The following SMIM17 variants were observed in gnomAD, a reference collection of about 807,000 sequenced individuals.
The protein encoded by SMIM17 is small integral membrane protein 17.
In SMIM17, 10 loss-of-function variants were observed where a neutral mutation model predicts 12.2. That is an observed-to-expected ratio of 0.82 (90% CI 0.50 to 1.39). The LOEUF is 1.39. Ranked by LOEUF, SMIM17 falls within the 40% of genes most tolerant of loss-of-function variation. SMIM17 has a pLI of 0.00. For missense variants in SMIM17, 136 were observed against 118.2 expected, an observed-to-expected ratio of 1.15 and a Z score of -0.70; for synonymous variants, 50 against 44.1, an observed-to-expected ratio of 1.13 and a Z score of -0.53.
In SMIM17 at chr19:56,645,652, A is replaced by C. The variant is rs1600615545; in HGVS notation, c.-16A>C. 1 of 1,463,936 alleles carries C rather than the reference A, an allele frequency of 6.8e-7. No homozygotes were observed. Among genetic ancestry groups the C allele is most frequent in the Non-Finnish European group, 9.0e-7 (1 of 1,112,832 alleles). 90.7% of individuals were successfully genotyped at this position (1,463,936 alleles called of 1,614,324 possible). A position where few individuals can be genotyped will look rare whatever the true frequency, so the allele number is the denominator to read the frequency against. Reference sequence around the variant, plus strand: ...AAGAGAAGCTTGTCTCAGAAGCTCCACCTCCTCCTGGGGCAATGCAGAGTC... The same window carrying C: ...AAGAGAAGCTTGTCTCAGAAGCTCCCCCTCCTCCTGGGGCAATGCAGAGTC... On this transcript the variant is annotated 5_prime_UTR_variant, in exon 2 of 4. Transcript: ENST00000598409.
chr19:56,645,904 G>A (rs751280622), intron 2 of SMIM17, 68 bp downstream of exon 2: 15 of 1,431,494 alleles, frequency 1.0e-5, no homozygotes, highest in African/African-American at 2.9e-5. Flanking sequence ...CCTAGGGAAA[G>A]ACTAAACATT....
intron 3 of SMIM17, among the ~76,000 whole-genome samples, chr19:56,648,063 AT>A (rs2045078743): frequency 1.0e-5 from 1 of 96,822 alleles, no homozygotes; most frequent in Non-Finnish European, 2.2e-5. Flanking sequence ...CCATCCATCC[AT>A]CCATCCATCC....
chr19:56,646,693 G>A lies in SMIM17; in HGVS notation c.169+857G>A, dbSNP rs1413563353. Among the ~76,000 whole-genome samples the A allele has an allele frequency of 2.0e-5, 3 of 152,200 alleles. No homozygotes were observed. In the East Asian group the frequency reaches 5.8e-4, roughly 29 times the overall value. On this transcript the variant is annotated intron_variant, in intron 2 of 3. Coordinates refer to ENST00000598409, the MANE Select transcript of SMIM17 (RefSeq NM_001193628.2). ...ATTCCTGCAACTGTCCAAGACAGAG[G>A]TGAGGTAAGTGGAGAGATTTGGGAC...
At chr19:56,652,546 G>A (rs779040345) in intron 3 of SMIM17, among the ~76,000 whole-genome samples, 10 of 151,948 alleles carry the variant, frequency 6.6e-5, no homozygotes, top group Non-Finnish European at 1.0e-4. Flanking sequence ...CCAGCTACTC[G>A]GGAGGCTGAG....
intron 3 of SMIM17, among the ~76,000 whole-genome samples, chr19:56,652,285 C>T (rs569079837): frequency 6.6e-6 from 1 of 152,108 alleles, no homozygotes; most frequent in South Asian, 2.1e-4. Flanking sequence ...GAGAGGGAGC[C>T]AGGCAAATAT....
intron 3 of SMIM17, among the ~76,000 whole-genome samples, chr19:56,651,498 G>T (rs1471930751): frequency 6.6e-6 from 1 of 152,114 alleles, no homozygotes; most frequent in African/African-American, 2.4e-5. Context: ...GGGGAAAATG[G>T]TCCCATCATT....
chr19:56,647,463 T>A, intron 2 of SMIM17, 95 bp from the exon 3 acceptor site: 3 of 808,972 alleles, frequency 3.7e-6, no homozygotes, highest in Non-Finnish European at 5.7e-6. Flanking sequence ...AGGCTATTAC[T>A]AGAAAAGGGA....
At position 56,655,902 on chromosome 19, in the gene SMIM17, TA is replaced by T. The variant is rs2148046436; in HGVS notation, c.*690del. 1 of 152,178 alleles carries T rather than the reference TA, an allele frequency of 6.6e-6. No individual in the cohort carries two copies. The highest frequency in any genetic ancestry group is 6.6e-5 in the Admixed American group (1 of 15,264). The allele number at this position is 152,178 out of a possible 1,614,324, so 9.4% of individuals were successfully genotyped here. On this transcript the variant is annotated 3_prime_UTR_variant, in exon 4 of 4. Coordinates refer to ENST00000598409, the MANE Select transcript of SMIM17 (RefSeq NM_001193628.2). ...TTAGTTCTTTACAATGTTATCAGTT[TA>T]TTAATACTTTTTACCTCTTGCATTT... is the stretch of plus-strand genomic sequence containing the variant.
rs1292897369 is a variant in SMIM17 at position 56,644,704 on chromosome 19, G to T, written c.-100-864G>T. Among the ~76,000 whole-genome samples, 8 of 152,212 alleles carry T rather than the reference G, an allele frequency of 5.3e-5. No homozygotes were observed. The South Asian group carries it at 1.7e-3, about 31-fold the overall frequency. ...TTGTTCATGTGCTCCTTACAATAGA[G>T]AAGTATTTCTCTGGACCTATATTTA... On this transcript the variant is annotated intron_variant, in intron 1 of 3. Coordinates refer to ENST00000598409, the MANE Select transcript of SMIM17 (RefSeq NM_001193628.2).
chr19:56,651,841 C>T (rs927359498), intron 3 of SMIM17, among the ~76,000 whole-genome samples: 3 of 152,144 alleles, frequency 2.0e-5, no homozygotes, highest in Admixed American at 1.3e-4. Flanking sequence ...CAGTGGCTCA[C>T]GTCTATAATC....
Position 56,655,159 on chromosome 19 carries a change from C to A in SMIM17, c.303C>A (p.Cys101Ter), listed in dbSNP as rs367904860. 9.8e-5 allele frequency: 69 copies of A among 702,376 alleles called. No individual in the cohort carries two copies. The highest frequency in any genetic ancestry group is 2.3e-5 in the Non-Finnish European group (9 of 384,794). The allele number at this position is 702,376 out of a possible 1,614,324, so 43.5% of individuals were successfully genotyped here. ...AAACAACCATAGTCTTGGTAGTGTG[C>A]GTGCTTTTTTTGTTCCTGGTTTTAA... is the stretch of plus-strand genomic sequence containing the variant. ...PQQTTIVLVV[C>*]VLFLFLVLTG... The change falls in exon 4 of 4, where the codon TGC becomes TGA. Residue 101 changes from cysteine to a stop codon, truncating the protein, a stop_gained. Transcript: ENST00000598409. LOFTEE classifies it high-confidence loss of function.
intron 2 of SMIM17, 140 bp from the exon 3 acceptor site, chr19:56,647,418 G>GGT (rs1262059393): frequency 1.4e-5 from 8 of 565,740 alleles, no homozygotes; most frequent in Admixed American, 3.1e-5. Context: ...AGAGAAGGAG[G>GGT]GTGAGAGAGA....
chr19:56,648,031 C>A (rs1195578407), intron 3 of SMIM17, among the ~76,000 whole-genome samples: 1 of 151,486 alleles, frequency 6.6e-6, no homozygotes, highest in Non-Finnish European at 1.5e-5. Flanking sequence ...CTTTTATTCA[C>A]CTACTTGCTT....
intron 3 of SMIM17, among the ~76,000 whole-genome samples, chr19:56,648,174 CCATCCAT>C (rs2045081361): frequency 7.4e-6 from 1 of 134,826 alleles, no homozygotes. Flanking sequence ...ATCCATCCAT[CCATCCAT>C]GCATCAACCC....
intron 3 of SMIM17, among the ~76,000 whole-genome samples, chr19:56,653,701 A>G (rs1167175072): frequency 6.6e-6 from 1 of 152,222 alleles, no homozygotes; most frequent in Non-Finnish European, 1.5e-5. Flanking sequence ...AGGTTTGGGA[A>G]CTGCTTAAGT....
intron 3 of SMIM17, among the ~76,000 whole-genome samples, chr19:56,650,358 G>A (rs1476945816): frequency 1.3e-5 from 2 of 152,038 alleles, no homozygotes; most frequent in Non-Finnish European, 2.9e-5. Context: ...ATTTTTAGTA[G>A]AAATGGGGTT....
At chr19:56,646,613 G>A (rs1034717613) in intron 2 of SMIM17, among the ~76,000 whole-genome samples, 1 of 152,192 alleles carries the variant, frequency 6.6e-6, no homozygotes, top group Non-Finnish European at 1.5e-5. Flanking sequence ...CTGCATGTGA[G>A]AATGGATTGT....
intron 3 of SMIM17, among the ~76,000 whole-genome samples, chr19:56,652,181 T>G (rs1450756900): frequency 2.0e-5 from 3 of 151,046 alleles, no homozygotes; most frequent in African/African-American, 7.3e-5. Context: ...CCCTATATAC[T>G]GAGACTGAAT....
intron 1 of SMIM17, among the ~76,000 whole-genome samples, chr19:56,645,265 G>GTA (rs897275366): frequency 3.3e-5 from 5 of 151,960 alleles, no homozygotes; most frequent in African/African-American, 1.2e-4. Flanking sequence ...CTGTGTGTGT[G>GTA]TATGTGTGGA....
Sources: gnomAD v4.1 joint callset for allele counts (sites outside exome capture counted in the v4.1 genomes callset) on GRCh38, gnomAD v4.1.1 for gene constraint, MANE v1.5 for transcripts, NCBI Gene and HGNC (gene_info 2026-07-23, HGNC 2026-07-21) for gene names.